Variants in TIAM2 observed in about 807,000 individuals in gnomAD.
The protein encoded by TIAM2 is rho guanine nucleotide exchange factor TIAM2.
A neutral mutation model predicts 152.9 loss-of-function variants in TIAM2; 80 were observed. The observed-to-expected ratio is 0.52, with a 90% CI of 0.44 to 0.63. The LOEUF (loss-of-function observed/expected upper bound fraction) is 0.63. Ranked by LOEUF, TIAM2 falls within the 30% of genes least tolerant of loss-of-function variation. The pLI is 0.00. For synonymous variants in TIAM2, 804 were observed against 838.0 expected (o/e 0.96, Z 0.70); for missense variants, 1,965 against 2,120.1 (o/e 0.93, Z 1.44).
At chr6:155,030,724 A>G (rs982108543) in intron 1 of TIAM2, among the ~76,000 whole-genome samples, 8 of 152,302 alleles carry the variant, frequency 5.3e-5, no homozygotes, top group Admixed American at 3.9e-4. Context: ...CTGCTGTTCT[A>G]TCATGATGGA....
In TIAM2 at chr6:155,233,193, G is replaced by A. The variant is rs138661182; in HGVS notation, c.3169-7337G>A. Among the ~76,000 whole-genome samples the A allele has an allele frequency of 3.0e-4, 46 of 152,300 alleles. No individual in the cohort carries two copies. The East Asian group carries it at 4.8e-3, about 16-fold the overall frequency. On this transcript the variant is annotated intron_variant, in intron 15 of 26. Coordinates refer to ENST00000682666, the MANE Select transcript of TIAM2 (RefSeq NM_012454.4). ...CTGGGTAATGTGATGTACCTACCCCGTAGTAGTTTAAAGATTCCAAAACGC... is the reference window on the plus strand; with the variant it reads ...CTGGGTAATGTGATGTACCTACCCCATAGTAGTTTAAAGATTCCAAAACGC...
chr6:155,163,347 C>T (rs193297238), intron 7 of TIAM2, among the ~76,000 whole-genome samples: 3 of 152,310 alleles, frequency 2.0e-5, no homozygotes, highest in African/African-American at 7.2e-5. Context: ...GTTGGCAAGT[C>T]ACAAGAGCCT....
intron 1 of TIAM2, among the ~76,000 whole-genome samples, chr6:155,052,773 C>CAAAAAAAA (rs10545743): frequency 8.5e-6 from 1 of 117,036 alleles, no homozygotes; most frequent in Non-Finnish European, 1.8e-5. Context: ...AACTCCATCT[C>CAAAAAAAA]AAAAAAAAAA....
chr6:155,080,018 A>G (rs1778029575), intron 1 of TIAM2, among the ~76,000 whole-genome samples: 1 of 152,176 alleles, frequency 6.6e-6, no homozygotes. Flanking sequence ...CGTTCTGATG[A>G]TGGTAAAATG....
At chr6:155,084,006 A>AG (rs560562756) in intron 1 of TIAM2, among the ~76,000 whole-genome samples, 2 of 152,322 alleles carry the variant, frequency 1.3e-5, no homozygotes, top group South Asian at 4.1e-4. Context: ...ATCGAGGTGA[A>AG]GGGGGCATAG....
intron 14 of TIAM2, among the ~76,000 whole-genome samples, chr6:155,185,055 A>G (rs1285475752): frequency 2.0e-5 from 3 of 150,620 alleles, no homozygotes; most frequent in Non-Finnish European, 4.4e-5. Context: ...ATTACCACAG[A>G]GGCTATAATA....
intron 1 of TIAM2, among the ~76,000 whole-genome samples, chr6:155,028,556 T>TATACTGTGTTACATATATACTACATATA (rs1562294401): frequency 1.5e-5 from 2 of 135,806 alleles, no homozygotes; most frequent in Admixed American, 7.8e-5. Context: ...CTACATATAA[T>TATACTGTGTTACATATATACTACATATA]ATATATATAC....
intron 1 of TIAM2, among the ~76,000 whole-genome samples, chr6:155,009,558 C>A (rs976345405): frequency 6.6e-6 from 1 of 152,112 alleles, no homozygotes; most frequent in Admixed American, 6.6e-5. Context: ...GATCCGTAGA[C>A]GTCATTCAGC....
chr6:155,219,699 G>A (rs1295626181), intron 15 of TIAM2, among the ~76,000 whole-genome samples: 3 of 152,148 alleles, frequency 2.0e-5, no homozygotes, highest in African/African-American at 7.2e-5. Flanking sequence ...GGTCATTAGG[G>A]TGGATGTGTC....
chr6:155,224,750 T>G (rs1285087147), intron 15 of TIAM2, among the ~76,000 whole-genome samples: 1 of 152,224 alleles, frequency 6.6e-6, no homozygotes, highest in Admixed American at 6.5e-5. Flanking sequence ...TGCTGCCACC[T>G]GAGTCCTCTG....
chr6:155,018,165 G>A (rs1325831441), intron 1 of TIAM2, among the ~76,000 whole-genome samples: 2 of 151,166 alleles, frequency 1.3e-5, no homozygotes, highest in African/African-American at 4.9e-5. Flanking sequence ...TTGAGCCCAT[G>A]AGTTCAAGGC....
chr6:155,181,984 G>T (rs1373094994), intron 12 of TIAM2, among the ~76,000 whole-genome samples: 1 of 152,212 alleles, frequency 6.6e-6, no homozygotes, highest in Non-Finnish European at 1.5e-5. Context: ...TGTTATGCGT[G>T]TGGGTGCATG....
At position 155,137,283 on chromosome 6, in the gene TIAM2, G is replaced by A; in HGVS notation, c.1301G>A (p.Gly434Asp). 6.2e-7 allele frequency: 1 copy of A among 1,614,206 alleles called. No homozygotes were observed. The change falls in exon 5 of 27, where the codon GGC becomes GAC. Residue 434 changes from glycine to aspartate, a missense_variant. Transcript: ENST00000682666. ...GCATCTGCTTTTCTGTGGTCAGGGG[G>A]CTCTACTCAGATCCTGTCTCAGAGA... ...SQASAFLWSGGSTQILSQRSE... is the reference protein window; with the variant it reads ...SQASAFLWSGDSTQILSQRSE...
At chr6:155,027,963 CTA>C (rs796587103) in intron 1 of TIAM2, among the ~76,000 whole-genome samples, 1 of 119,218 alleles carries the variant, frequency 8.4e-6, no homozygotes, top group South Asian at 2.5e-4. Context: ...TACATATATA[CTA>C]TATATAATAT....
At chr6:155,108,424 C>T (rs1003101233) in intron 2 of TIAM2, among the ~76,000 whole-genome samples, 2 of 152,184 alleles carry the variant, frequency 1.3e-5, no homozygotes, top group South Asian at 2.1e-4. Context: ...CACTGACCGC[C>T]GCCTTCTCCG....
At chr6:155,147,813 T>C (rs959594606) in intron 6 of TIAM2, among the ~76,000 whole-genome samples, 3 of 152,154 alleles carry the variant, frequency 2.0e-5, no homozygotes, top group African/African-American at 7.2e-5. Flanking sequence ...TGGCGTAATG[T>C]ATCATGAGTG....
chr6:155,162,252 C>T (rs1433070316), intron 7 of TIAM2, among the ~76,000 whole-genome samples: 1 of 152,206 alleles, frequency 6.6e-6, no homozygotes, highest in African/African-American at 2.4e-5. Flanking sequence ...GCCACTGTGC[C>T]TTGCCGACTC....
chr6:155,156,155 G>A lies in TIAM2; in HGVS notation c.2028+7821G>A, dbSNP rs1780106717. On this transcript the variant is annotated intron_variant, in intron 7 of 26. Coordinates refer to ENST00000682666, the MANE Select transcript of TIAM2 (RefSeq NM_012454.4). This position sits in a 1 kb window ranked among gnomAD's most constrained non-coding sequence, Gnocchi z 4.4. ...GCCAAGTTGCTTCTTGAAAAATGAG[G>A]AGTTTACCGGGAGAATAGAGAGGGG... Among the ~76,000 whole-genome samples, 1 of 152,174 alleles carries A rather than the reference G, an allele frequency of 6.6e-6. No individual in the cohort carries two copies. Among genetic ancestry groups the A allele is most frequent in the African/African-American group, 2.4e-5 (1 of 41,440 alleles).
At chr6:155,116,829 TAA>T (rs540839137) in intron 2 of TIAM2, among the ~76,000 whole-genome samples, 11 of 152,254 alleles carry the variant, frequency 7.2e-5, no homozygotes, top group African/African-American at 2.6e-4. Flanking sequence ...GGAGGTTATT[TAA>T]AAGTCACACT....
Sources: allele counts gnomAD v4.1 joint callset (sites outside exome capture counted in the v4.1 genomes callset), GRCh38; gene constraint gnomAD v4.1.1; non-coding constraint Gnocchi (gnomAD v3.1); transcripts MANE v1.5; gene names NCBI Gene and HGNC (gene_info 2026-07-23, HGNC 2026-07-21).